EPHA4: variants seen among roughly 807,000 people sequenced by gnomAD.
The protein encoded by EPHA4 is ephrin type-A receptor 4.
EPHA4 carries 19 observed loss-of-function variants against 108.3 expected under a neutral mutation model. The observed-to-expected ratio is 0.18, with a 90% CI of 0.12 to 0.26. The LOEUF is 0.26. Ranked by LOEUF, EPHA4 falls within the 10% of genes least tolerant of loss-of-function variation. The pLI is 1.00. For missense variants in EPHA4, 917 were observed against 1,254.0 expected (o/e 0.73, Z 4.06); for synonymous variants, 449 against 455.5 (o/e 0.99, Z 0.18).
intron 3 of EPHA4, among the ~76,000 whole-genome samples, chr2:221,530,725 C>T (rs1574638562): frequency 6.6e-6 from 1 of 152,280 alleles, no homozygotes; most frequent in East Asian, 1.9e-4. Flanking sequence ...TCTCTGGCTC[C>T]ATGGGGTGTA....
At chr2:221,535,307 G>A (rs1257353334) in intron 3 of EPHA4, among the ~76,000 whole-genome samples, 1 of 152,180 alleles carries the variant, frequency 6.6e-6, no homozygotes, top group Non-Finnish European at 1.5e-5. Flanking sequence ...GTGTACATTT[G>A]TAATCAGTAC....
At chr2:221,558,529 C>A (rs1281997492) in intron 3 of EPHA4, among the ~76,000 whole-genome samples, 1 of 152,018 alleles carries the variant, frequency 6.6e-6, no homozygotes, top group Non-Finnish European at 1.5e-5. Context: ...TGAAAAACCA[C>A]TTAAGAAGGC....
intron 4 of EPHA4, among the ~76,000 whole-genome samples, chr2:221,498,911 C>T (rs1267567257): frequency 3.3e-5 from 5 of 151,616 alleles, no homozygotes; most frequent in Non-Finnish European, 1.5e-5. Context: ...TTGCTTCAGC[C>T]TCCTGAGCAG....
rs148314956 is a variant in EPHA4, at chr2:221,465,973, C to G, written c.1319-7983G>C. On this transcript the variant is annotated intron_variant, in intron 5 of 17. Coordinates refer to ENST00000281821, the MANE Select transcript of EPHA4 (RefSeq NM_004438.5). ...GATTGGTCTGTGGTTTTGCAGCTTCCTGAAAGGCCTTTGGGTTCCCTCCCG... is the reference window on the plus strand; with the variant it reads ...GATTGGTCTGTGGTTTTGCAGCTTCGTGAAAGGCCTTTGGGTTCCCTCCCG... Among the ~76,000 whole-genome samples the G allele has an allele frequency of 3.3e-5, 5 of 152,280 alleles. No homozygotes were observed. In the East Asian group the frequency reaches 9.7e-4, roughly 30 times the overall value.
At chr2:221,445,958 T>G (rs555961674) in intron 9 of EPHA4, among the ~76,000 whole-genome samples, 165 bp downstream of exon 9, 1 of 152,224 alleles carries the variant, frequency 6.6e-6, no homozygotes, top group Non-Finnish European at 1.5e-5. Flanking sequence ...ACCATCCAAA[T>G]CACCCATTTC....
chr2:221,419,397 A>G lies in EPHA4; in HGVS notation c.*1975T>C, dbSNP rs1260040692. The G allele has an allele frequency of 6.5e-6, 1 of 152,686 alleles. No homozygotes were observed. Among genetic ancestry groups the G allele is most frequent in the East Asian group, 1.9e-4 (1 of 5,202 alleles). The allele number at this position is 152,686 out of a possible 1,614,324, so 9.5% of individuals were successfully genotyped here. A position where few individuals can be genotyped will look rare whatever the true frequency, so the allele number is the denominator to read the frequency against. On this transcript the variant is annotated 3_prime_UTR_variant, in exon 18 of 18. Coordinates refer to ENST00000281821, the MANE Select transcript of EPHA4 (RefSeq NM_004438.5). ...GTATTTTTCTGTGATATTGGGAGAC[A>G]AAGTATTAATCCAGGACACACCATC...
upstream of EPHA4, chr2:221,572,629 C>A (rs1694885608): frequency 6.1e-6 from 1 of 164,252 alleles, no homozygotes; most frequent in East Asian, 1.7e-4. Context: ...CCGAGGGGAG[C>A]CAGAGAAGAG....
intron 3 of EPHA4, among the ~76,000 whole-genome samples, chr2:221,554,596 G>A (rs957611262): frequency 6.6e-6 from 1 of 152,060 alleles, no homozygotes; most frequent in Non-Finnish European, 1.5e-5. Flanking sequence ...GAGGGAGACA[G>A]AAACAAAAGA....
At chr2:221,492,858 A>G (rs1312646177) in intron 4 of EPHA4, among the ~76,000 whole-genome samples, 1 of 152,210 alleles carries the variant, frequency 6.6e-6, no homozygotes, top group Non-Finnish European at 1.5e-5. Context: ...TGGTGTCTCA[A>G]TCTGAGTTTT....
chr2:221,474,025 T>C (rs1362872052), intron 5 of EPHA4, among the ~76,000 whole-genome samples: 1 of 152,200 alleles, frequency 6.6e-6, no homozygotes, highest in Non-Finnish European at 1.5e-5. Context: ...GGTGTATAAA[T>C]AAAGACTTCA....
At chr2:221,516,466 T>C (rs1227554150) in intron 3 of EPHA4, among the ~76,000 whole-genome samples, 4 of 151,922 alleles carry the variant, frequency 2.6e-5, no homozygotes, top group Non-Finnish European at 5.9e-5. Context: ...GTGATTCTCT[T>C]GCCTCTGCCT....
intron 3 of EPHA4, among the ~76,000 whole-genome samples, chr2:221,505,050 C>T (rs1464257496): frequency 6.6e-6 from 1 of 152,132 alleles, no homozygotes; most frequent in Non-Finnish European, 1.5e-5. Flanking sequence ...GGCAGCCACA[C>T]TTTGCTCTCT....
chr2:221,567,852 A>G (rs954694192), intron 2 of EPHA4, among the ~76,000 whole-genome samples: 1 of 152,200 alleles, frequency 6.6e-6, no homozygotes, highest in Non-Finnish European at 1.5e-5. Flanking sequence ...GGACTCAGCC[A>G]TAAACTATCA....
chr2:221,485,044 C>T (rs1451810049), intron 4 of EPHA4, among the ~76,000 whole-genome samples: 1 of 152,146 alleles, frequency 6.6e-6, no homozygotes, highest in Non-Finnish European at 1.5e-5. Context: ...GTCATTGGTT[C>T]TTCTTTTGCT....
chr2:221,502,135 G>A (rs979637437), intron 3 of EPHA4, among the ~76,000 whole-genome samples: 1 of 152,024 alleles, frequency 6.6e-6, no homozygotes, highest in Non-Finnish European at 1.5e-5. Flanking sequence ...ACTTTTAGTA[G>A]TGTGGAAAAA....
At chr2:221,491,053 T>C (rs1398499228) in intron 4 of EPHA4, among the ~76,000 whole-genome samples, 4 of 152,338 alleles carry the variant, frequency 2.6e-5, no homozygotes, top group African/African-American at 9.6e-5. Context: ...CTATAGAGGT[T>C]CATTTCTTGT....
chr2:221,522,735 CTATTATTATTATTATTATTATTAT>C (rs6147191), intron 3 of EPHA4, among the ~76,000 whole-genome samples: 10 of 148,666 alleles, frequency 6.7e-5, no homozygotes, highest in South Asian at 4.3e-4. Context: ...AAATAAAATC[CTATTATTATTATTATTATTATTAT>C]TATTATTATT....
intron 5 of EPHA4, among the ~76,000 whole-genome samples, chr2:221,466,122 C>T (rs550060657): frequency 1.3e-5 from 2 of 152,274 alleles, no homozygotes; most frequent in Admixed American, 6.5e-5. Context: ...GACAAAATCA[C>T]GGCCACAATC....
chr2:221,507,926 T>G (rs1218520915), intron 3 of EPHA4, among the ~76,000 whole-genome samples: 1 of 152,226 alleles, frequency 6.6e-6, no homozygotes, highest in African/African-American at 2.4e-5. Flanking sequence ...GAGTCTAGCA[T>G]GTATCAGAAT....
Sources: allele counts gnomAD v4.1 joint callset (sites outside exome capture counted in the v4.1 genomes callset), GRCh38; gene constraint gnomAD v4.1.1; transcripts MANE v1.5; gene names NCBI Gene and HGNC (gene_info 2026-07-23, HGNC 2026-07-21).